Variants in QKI observed in about 807,000 individuals in gnomAD.
QKI encodes QKI, KH domain containing RNA binding.
In QKI, 10 loss-of-function variants were observed where a neutral mutation model predicts 39.0. That is an observed-to-expected ratio of 0.26 (90% CI 0.16 to 0.43). The LOEUF (loss-of-function observed/expected upper bound fraction) is 0.43, where lower values mean the gene tolerates loss of function less well. Among genes scored for constraint, QKI ranks in the 20% least tolerant of loss-of-function variants. QKI has a pLI of 1.00. For synonymous variants in QKI, 204 were observed against 155.4 expected, an observed-to-expected ratio of 1.31 and a Z score of -2.33; for missense variants, 218 against 428.0, an observed-to-expected ratio of 0.51 and a Z score of 4.33.
chr6:163,514,063 C>T (rs1169321504), intron 3 of QKI, among the ~76,000 whole-genome samples: 1 of 152,022 alleles, frequency 6.6e-6, no homozygotes, highest in East Asian at 1.9e-4. Flanking sequence ...GCAGAAACTG[C>T]TCAGCCAGAG....
At chr6:163,512,517 A>C (rs1329401007) in intron 3 of QKI, among the ~76,000 whole-genome samples, 1 of 152,122 alleles carries the variant, frequency 6.6e-6, no homozygotes, top group East Asian at 1.9e-4. Flanking sequence ...AAAAACTACC[A>C]GAACTAAAAG....
intron 3 of QKI, among the ~76,000 whole-genome samples, chr6:163,485,028 A>T (rs1583072722): frequency 6.6e-6 from 1 of 152,152 alleles, no homozygotes; most frequent in Non-Finnish European, 1.5e-5. Context: ...GTTTTAGGAG[A>T]TTTGTGCCAG....
At chr6:163,530,297 T>C (rs1780773098) in intron 3 of QKI, among the ~76,000 whole-genome samples, 1 of 152,202 alleles carries the variant, frequency 6.6e-6, no homozygotes, top group African/African-American at 2.4e-5. Flanking sequence ...GTCTGCTTAT[T>C]TCAACCTTTT....
chr6:163,527,943 C>A (rs1354142671), intron 3 of QKI, among the ~76,000 whole-genome samples: 1 of 152,118 alleles, frequency 6.6e-6, no homozygotes, highest in East Asian at 1.9e-4. Flanking sequence ...GAAATAGCTA[C>A]AGATTTATCC....
chr6:163,525,656 C>T (rs1280512646), intron 3 of QKI, among the ~76,000 whole-genome samples: 3 of 152,172 alleles, frequency 2.0e-5, no homozygotes, highest in African/African-American at 4.8e-5. Flanking sequence ...TGAGCCACCA[C>T]GCCCGGCCAT....
At chr6:163,527,669 A>G (rs562777098) in intron 3 of QKI, among the ~76,000 whole-genome samples, 1 of 152,292 alleles carries the variant, frequency 6.6e-6, no homozygotes, top group South Asian at 2.1e-4. Flanking sequence ...AAGTTTTTCA[A>G]AAATCCAAAA....
At chr6:163,539,291 A>G (rs1781376799) in intron 4 of QKI, among the ~76,000 whole-genome samples, 1 of 152,194 alleles carries the variant, frequency 6.6e-6, no homozygotes, top group African/African-American at 2.4e-5. Context: ...AGTAGTGGTC[A>G]TTGGTGACCT....
Position 163,434,511 on chromosome 6 carries a change from C to T in QKI, c.142+19176C>T, listed in dbSNP as rs994946307. ...CGGGCGGATCATGAGGTCAGGAGATCGAGACCATCCTGGCTAACACAGTGA... is the reference window on the plus strand; with the variant it reads ...CGGGCGGATCATGAGGTCAGGAGATTGAGACCATCCTGGCTAACACAGTGA... On this transcript the variant is annotated intron_variant, in intron 1 of 7. Coordinates refer to ENST00000361752, the MANE Select transcript of QKI (RefSeq NM_006775.3). 3.3e-5 allele frequency among the ~76,000 whole-genome samples: 5 copies of T among 151,852 alleles called. No homozygotes were observed. In the South Asian group the frequency reaches 6.2e-4, roughly 19 times the overall value.
At chr6:163,570,121 A>G in intron 7 of QKI, 1 of 986,176 alleles carries the variant, frequency 1.0e-6, no homozygotes, top group Non-Finnish European at 1.2e-6. Context: ...TGAAAAAGCA[A>G]TAAACATTTA....
At chr6:163,489,597 A>G (rs976332351) in intron 3 of QKI, among the ~76,000 whole-genome samples, 3 of 150,636 alleles carry the variant, frequency 2.0e-5, no homozygotes, top group East Asian at 1.9e-4. Flanking sequence ...TACCATTACA[A>G]CATGTCTTAA....
chr6:163,516,265 G>C (rs147731398), intron 3 of QKI, among the ~76,000 whole-genome samples: 2 of 151,948 alleles, frequency 1.3e-5, no homozygotes, highest in Non-Finnish European at 2.9e-5. Context: ...GGCCTTTTTT[G>C]GGAAAAATGT....
chr6:163,509,532 C>T (rs924565391), intron 3 of QKI, among the ~76,000 whole-genome samples: 4 of 151,798 alleles, frequency 2.6e-5, no homozygotes, highest in African/African-American at 4.8e-5. Flanking sequence ...TATGTGTACA[C>T]GTGGACGTAT....
intron 3 of QKI, among the ~76,000 whole-genome samples, chr6:163,495,274 T>C (rs976377670): frequency 6.6e-6 from 1 of 152,190 alleles, no homozygotes; most frequent in African/African-American, 2.4e-5. Context: ...TGATGGTTGA[T>C]GAAAATGTGA....
At chr6:163,538,812 T>A (rs1781350222) in intron 4 of QKI, among the ~76,000 whole-genome samples, 1 of 152,158 alleles carries the variant, frequency 6.6e-6, no homozygotes, top group Non-Finnish European at 1.5e-5. Context: ...AAGGTAAAAC[T>A]GCTAGGAATT....
intron 3 of QKI, among the ~76,000 whole-genome samples, chr6:163,489,429 TGTGTGTGTG>T: frequency 6.2e-5 from 1 of 16,016 alleles, no homozygotes; most frequent in African/African-American, 1.1e-4. Flanking sequence ...TTATGCTGTG[TGTGTGTGTG>T]TGTGTGTGTG....
chr6:163,429,300 G>A (rs1788653041), intron 1 of QKI, among the ~76,000 whole-genome samples: 1 of 151,942 alleles, frequency 6.6e-6, no homozygotes, highest in Admixed American at 6.6e-5. Context: ...AAAGTTAAAA[G>A]TACTCATCAT....
intron 1 of QKI, among the ~76,000 whole-genome samples, chr6:163,449,423 A>G (rs1408519815): frequency 6.6e-6 from 1 of 152,218 alleles, no homozygotes. Flanking sequence ...GATGGATTCA[A>G]ATGTACAAAG....
At chr6:163,472,797 T>C (rs544632055) in intron 2 of QKI, among the ~76,000 whole-genome samples, 53 of 152,288 alleles carry the variant, frequency 3.5e-4, no homozygotes, top group African/African-American at 1.1e-3. Flanking sequence ...TGACTTTGAA[T>C]GAAAATGAAA....
chr6:163,432,646 C>CTG, intron 1 of QKI, among the ~76,000 whole-genome samples: 1 of 152,240 alleles, frequency 6.6e-6, no homozygotes, highest in South Asian at 2.1e-4. Context: ...AGTGATCCTC[C>CTG]TGTGTCAGGT....
Sources: gnomAD v4.1 joint callset for allele counts (sites outside exome capture counted in the v4.1 genomes callset) on GRCh38, gnomAD v4.1.1 for gene constraint, MANE v1.5 for transcripts, NCBI Gene and HGNC (gene_info 2026-07-23, HGNC 2026-07-21) for gene names.